ABCB1: variants seen among roughly 807,000 people sequenced by gnomAD.
ABCB1 encodes the protein ATP binding cassette subfamily B member 1, also known as ATP-dependent translocase ABCB1.
Under a neutral mutation model 142.0 loss-of-function variants are expected in ABCB1, and 69 were observed. The observed-to-expected ratio is 0.49, with a 90% CI of 0.40 to 0.59. ABCB1 has a LOEUF of 0.59. ABCB1 is among the 20% of genes least tolerant of loss of function. ABCB1 has a pLI of 0.00. For synonymous variants in ABCB1, 532 were observed against 539.2 expected (o/e 0.99, Z 0.18); for missense variants, 1,326 against 1,554.7 (o/e 0.85, Z 2.47).
intron 23 of ABCB1, chr7:87,518,983 A>G (rs571076282): frequency 1.3e-5 from 4 of 319,196 alleles, no homozygotes; most frequent in African/African-American, 2.1e-5. Flanking sequence ...GCTCTGTAAG[A>G]AAGTCCTTTA....
chr7:87,675,581 C>T (rs1261483399), intron 1 of ABCB1, among the ~76,000 whole-genome samples: 1 of 137,466 alleles, frequency 7.3e-6, no homozygotes, highest in African/African-American at 2.8e-5. Context: ...TTTGACAAGA[C>T]ACCAAGAGTA....
At chr7:87,665,849 A>G (rs1825179006) in intron 1 of ABCB1, among the ~76,000 whole-genome samples, 2 of 152,044 alleles carry the variant, frequency 1.3e-5, no homozygotes, top group South Asian at 2.1e-4. Flanking sequence ...AGCTTGATCC[A>G]TGTTGCTGCA....
At chr7:87,576,108 T>C (rs1184874778) in intron 4 of ABCB1, among the ~76,000 whole-genome samples, 1 of 152,128 alleles carries the variant, frequency 6.6e-6, no homozygotes, top group Non-Finnish European at 1.5e-5. Context: ...TATTTATTCA[T>C]CCAATTTCTT....
intron 4 of ABCB1, among the ~76,000 whole-genome samples, chr7:87,581,658 C>T (rs1202172): frequency 1.3e-5 from 2 of 151,950 alleles, no homozygotes; most frequent in African/African-American, 4.8e-5. Context: ...AGTATTGGGA[C>T]GAGAAAACTT....
chr7:87,504,097 C>G lies in ABCB1; in HGVS notation c.*146G>C, dbSNP rs28364277. Reference sequence around the variant, plus strand: ...GTCTCTCACTCTGTTCCTTTAATTACGAAGTCTCTGAAGACTCTGAACTTG... The same window carrying G: ...GTCTCTCACTCTGTTCCTTTAATTAGGAAGTCTCTGAAGACTCTGAACTTG... On this transcript the variant is annotated 3_prime_UTR_variant, in exon 28 of 28. Transcript: ENST00000622132. 4 of 994,270 alleles carry G rather than the reference C, an allele frequency of 4.0e-6. No individual in the cohort carries two copies. Among genetic ancestry groups the G allele is most frequent in the Admixed American group, 2.1e-5 (1 of 46,684 alleles). The allele number at this position is 994,270 out of a possible 1,614,324, so 61.6% of individuals were successfully genotyped here.
intron 20 of ABCB1, among the ~76,000 whole-genome samples, chr7:87,534,917 T>A (rs990585476): frequency 5.4e-5 from 5 of 91,788 alleles, no homozygotes; most frequent in Admixed American, 1.3e-4. Context: ...CCTGTCTCTT[T>A]AAAAAAAAAA....
At chr7:87,614,461 G>A (rs1007217476) in intron 1 of ABCB1, among the ~76,000 whole-genome samples, 6 of 151,836 alleles carry the variant, frequency 4.0e-5, no homozygotes, top group Non-Finnish European at 4.4e-5. Context: ...GAGAAAGAAT[G>A]AAAGAAAGAG....
intron 21 of ABCB1, among the ~76,000 whole-genome samples, chr7:87,525,449 G>T (rs1815740931): frequency 6.6e-6 from 1 of 152,044 alleles, no homozygotes. Context: ...TATAACTTCT[G>T]ACTCCCCAGA....
intron 3 of ABCB1, among the ~76,000 whole-genome samples, chr7:87,589,181 A>G (rs1818883990): frequency 6.6e-6 from 1 of 152,188 alleles, no homozygotes; most frequent in African/African-American, 2.4e-5. Flanking sequence ...ATTAGGAAGG[A>G]GACTTTAGGG....
chr7:87,699,217 A>T (rs1229520352), intron 1 of ABCB1, among the ~76,000 whole-genome samples: 2 of 152,152 alleles, frequency 1.3e-5, no homozygotes, highest in Non-Finnish European at 1.5e-5. Flanking sequence ...TAAATAATTA[A>T]ATCATGATGA....
chr7:87,672,228 C>T (rs550788975), intron 1 of ABCB1, among the ~76,000 whole-genome samples: 1 of 152,298 alleles, frequency 6.6e-6, no homozygotes, highest in Non-Finnish European at 1.5e-5. Flanking sequence ...ATAGGAGGAA[C>T]AGGATCAGGT....
In ABCB1 at chr7:87,639,737, C is replaced by T. The variant is rs1309912474; in HGVS notation, c.-330-38659G>A. Among the ~76,000 whole-genome samples, 7 of 152,110 alleles carry T rather than the reference C, an allele frequency of 4.6e-5. No individual in the cohort carries two copies. In the East Asian group the frequency reaches 1.3e-3, roughly 29 times the overall value. On this transcript the variant is annotated intron_variant, in intron 1 of 28. Transcript: ENST00000265724. The stretch of plus-strand genomic sequence containing the variant: ...CTTTTAGCTAATGTTAATATGATGT[C>T]TCTTTTTCCATCTTTTACTTTTACT...
intron 1 of ABCB1, among the ~76,000 whole-genome samples, chr7:87,661,237 A>G (rs1824679438): frequency 6.6e-6 from 1 of 151,976 alleles, no homozygotes; most frequent in Admixed American, 6.6e-5. Flanking sequence ...CATCACTTCA[A>G]GCATTCATTT....
At chr7:87,601,352 C>T (rs35462624), upstream of ABCB1, among the ~76,000 whole-genome samples, 294 of 152,160 alleles carry the variant, frequency 1.9e-3, 1 homozygote, top group African/African-American at 6.7e-3. Context: ...TTGACAGTTT[C>T]TGAGTTACAT....
intron 7 of ABCB1, among the ~76,000 whole-genome samples, chr7:87,565,852 C>T (rs1038308729): frequency 6.6e-6 from 1 of 152,056 alleles, no homozygotes; most frequent in Non-Finnish European, 1.5e-5. Context: ...TTTCTCATCC[C>T]TTCCCCAAAT....
intron 14 of ABCB1, among the ~76,000 whole-genome samples, chr7:87,546,572 A>T (rs540535636): frequency 2.8e-5 from 4 of 145,106 alleles, no homozygotes; most frequent in Non-Finnish European, 4.6e-5. Flanking sequence ...AAAAAATAAA[A>T]AATAAAAAAA....
In ABCB1 at chr7:87,516,632, G is replaced by A. The variant is rs757389269; in HGVS notation, c.2961C>T (p.Ala987=). The change falls in exon 24 of 28, where the codon GCC becomes GCT. Residue 987 remains alanine (A), a synonymous_variant. Coordinates refer to ENST00000622132, the MANE Select transcript of ABCB1 (RefSeq NM_001348946.2). Reference sequence around the variant, plus strand: ...GAGCAAATGAACTGACTTGCCCCACGGCCATGGCACCAAAGACAACAGCTG... The same window carrying A: ...GAGCAAATGAACTGACTTGCCCCACAGCCATGGCACCAAAGACAACAGCTG... ...VFSAVVFGAM[A]VGQVSSFAPD... is the part of the protein sequence containing the mutation. The A allele has an allele frequency of 1.6e-5, 26 of 1,613,740 alleles. No individual in the cohort carries two copies. The highest frequency in any genetic ancestry group is 5.0e-5 in the Admixed American group (3 of 59,986).
In ABCB1 at chr7:87,566,917, A is replaced by G; in HGVS notation, c.398T>C (p.Val133Ala). 1 of 1,614,098 alleles carries G rather than the reference A, an allele frequency of 6.2e-7. No homozygotes were observed. Among genetic ancestry groups the G allele is most frequent in the South Asian group, 1.1e-5 (1 of 91,076 alleles). The change falls in exon 6 of 28, where the codon GTT becomes GCT. Residue 133 changes from valine (V) to alanine (A), a missense_variant. Transcript: ENST00000622132. ...AGVLVAAYIQ[V>A]SFWCLAAGRQ... Reference sequence around the variant, plus strand: ...TCCAGCTGCCAGGCACCAAAATGAAACCTGAATGTAAGCAGCAACCAGCAC... The same window carrying G: ...TCCAGCTGCCAGGCACCAAAATGAAGCCTGAATGTAAGCAGCAACCAGCAC...
In ABCB1 at chr7:87,549,956, C is replaced by G. The variant is rs201650388; in HGVS notation, c.1449G>C (p.Thr483=). Residue 483 remains threonine, a synonymous_variant, in exon 13 of 28, where the codon ACG becomes ACC. Transcript: ENST00000622132. ...GGCCATAGCGAATGTTTTCAGCTATCGTGGTGGCAAACAATACAGGTTCCT... is the reference window on the plus strand; with the variant it reads ...GGCCATAGCGAATGTTTTCAGCTATGGTGGTGGCAAACAATACAGGTTCCT... ...VSQEPVLFAT[T]IAENIRYGRE... 24 of 1,614,082 alleles carry G rather than the reference C, an allele frequency of 1.5e-5. No homozygotes were observed. The highest frequency in any genetic ancestry group is 2.0e-5 in the Non-Finnish European group (24 of 1,180,040).
Sources: allele counts gnomAD v4.1 joint callset (sites outside exome capture counted in the v4.1 genomes callset), GRCh38; gene constraint gnomAD v4.1.1; transcripts MANE v1.5; gene names NCBI Gene and HGNC (gene_info 2026-07-23, HGNC 2026-07-21).